Variants in WRNIP1 observed in about 807,000 individuals in gnomAD.
The protein encoded by WRNIP1 is WRN helicase interacting protein 1.
WRNIP1 carries 41 observed loss-of-function variants against 56.1 expected under a neutral mutation model. The observed-to-expected ratio is 0.73, with a 90% CI of 0.57 to 0.95. The LOEUF (loss-of-function observed/expected upper bound fraction) is 0.95. Among genes scored for constraint, WRNIP1 ranks in the 40% least tolerant of loss-of-function variants. The pLI is 0.00. For synonymous variants in WRNIP1, 547 were observed against 398.1 expected (o/e 1.37, Z -4.45); for missense variants, 1,170 against 939.4 (o/e 1.25, Z -3.21).
intron 3 of WRNIP1, among the ~76,000 whole-genome samples, chr6:2,771,826 A>C (rs78023972): frequency 0.014 from 2,105 of 152,298 alleles, 55 homozygotes; most frequent in African/African-American, 0.049. Flanking sequence ...GGTAAAGACA[A>C]ATTGAAAGAA....
intron 5 of WRNIP1, 92 bp downstream of exon 5, chr6:2,783,653 T>TTTTTTTA: frequency 2.5e-5 from 3 of 119,820 alleles, no homozygotes; most frequent in African/African-American, 9.0e-5. Context: ...TTTTTTTTTT[T>TTTTTTTA]GCAGGGCGGG....
intron 4 of WRNIP1, 21 bp from the exon 5 acceptor site, chr6:2,783,385 T>C (rs1246743622): frequency 5.1e-6 from 8 of 1,567,586 alleles, no homozygotes; most frequent in South Asian, 1.2e-5. Flanking sequence ...TCTGTGTGAG[T>C]GGTGCTCTTT....
At position 2,766,248 on chromosome 6, in the gene WRNIP1, A is replaced by G; in HGVS notation, c.626A>G (p.His209Arg). The stretch of plus-strand genomic sequence containing the variant: ...GGGGCCAGTGGCGGGGGCCGCCCGC[A>G]CCCCCGGGCGCTGGCTGCCGAGGAG... ...AFGASGGGRP[H>R]PRALAAEEIR... The change falls in exon 1 of 7, where the codon CAC (histidine) becomes CGC (arginine). Residue 209 changes from histidine to arginine, a missense_variant. Transcript: ENST00000380773. The G allele has an allele frequency of 6.7e-7, 1 of 1,489,082 alleles. No homozygotes were observed. The highest frequency in any genetic ancestry group is 1.3e-5 in the South Asian group (1 of 77,620). The allele number at this position is 1,489,082 out of a possible 1,614,324, so 92.2% of individuals were successfully genotyped here. A position where few individuals can be genotyped will look rare whatever the true frequency, so the allele number is the denominator to read the frequency against.
intron 6 of WRNIP1, 21 bp downstream of exon 6, chr6:2,784,424 C>T (rs1213646038): frequency 1.2e-6 from 2 of 1,610,960 alleles, no homozygotes; most frequent in South Asian, 2.2e-5. Flanking sequence ...CAGCTCATTT[C>T]TTGCAAATCA....
At position 2,785,131 on chromosome 6, in the gene WRNIP1, T is replaced by C. The variant is rs1202538902; in HGVS notation, c.1847T>C (p.Leu616Pro). 6.2e-7 allele frequency: 1 copy of C among 1,614,196 alleles called. No individual in the cohort carries two copies. Among genetic ancestry groups the C allele is most frequent in the South Asian group, 1.1e-5 (1 of 91,088 alleles). The change falls in exon 7 of 7, where the codon CTG becomes CCG. Residue 616 changes from leucine to proline, a missense_variant. Leu to Pro is a moderately conservative substitution (Grantham distance 98, BLOSUM62 -3). Coordinates refer to ENST00000380773, the MANE Select transcript of WRNIP1 (RefSeq NM_020135.3). Reference sequence around the variant, plus strand: ...CAGGGGCCACTGCCCCCCGTGCCCCTGCACCTGAGGAACGCGCCCACTAGG... The same window carrying C: ...CAGGGGCCACTGCCCCCCGTGCCCCCGCACCTGAGGAACGCGCCCACTAGG... ...NHQGPLPPVP[L>P]HLRNAPTRLM...
intron 1 of WRNIP1, 108 bp downstream of exon 1, chr6:2,766,552 C>G: frequency 7.1e-7 from 1 of 1,414,114 alleles, no homozygotes; most frequent in African/African-American, 1.4e-5. Context: ...CCTGCCTCTC[C>G]TGGATAAGGG....
In WRNIP1 at chr6:2,786,840, T is replaced by C. The variant is rs1244657615; in HGVS notation, c.*1558T>C. On this transcript the variant is annotated 3_prime_UTR_variant, in exon 7 of 7. Coordinates refer to ENST00000380773, the MANE Select transcript of WRNIP1 (RefSeq NM_020135.3). ...TTTAAAAGTCTGCACTGGGTACTTG[T>C]TGGGCCTTTCAATCTGGAAACTCCT... 1 of 152,192 alleles carries C rather than the reference T, an allele frequency of 6.6e-6. No homozygotes were observed. Among genetic ancestry groups the C allele is most frequent in the Non-Finnish European group, 1.5e-5 (1 of 68,038 alleles). The allele number at this position is 152,192 out of a possible 1,614,324, so 9.4% of individuals were successfully genotyped here.
chr6:2,765,479 G>T lies in WRNIP1; in HGVS notation c.-144G>T. Reference sequence around the variant, plus strand: ...GAGCTGCGGACGTGAGGCATGAGCGGCGCCCTCCTCCGGCCCGCGAGCGTC... The same window carrying T: ...GAGCTGCGGACGTGAGGCATGAGCGTCGCCCTCCTCCGGCCCGCGAGCGTC... On this transcript the variant is annotated 5_prime_UTR_variant, in exon 1 of 7. Transcript: ENST00000380773. 9.3e-7 allele frequency: 1 copy of T among 1,070,190 alleles called. No homozygotes were observed. The highest frequency in any genetic ancestry group is 1.2e-6 in the Non-Finnish European group (1 of 838,984). 66.3% of individuals were successfully genotyped at this position (1,070,190 alleles called of 1,614,324 possible). A position where few individuals can be genotyped will look rare whatever the true frequency, so the allele number is the denominator to read the frequency against.
rs983796979 is a variant in WRNIP1 at position 2,766,055 on chromosome 6, G to A, written c.433G>A (p.Ala145Thr). Residue 145 changes from alanine to threonine, a missense_variant, in exon 1 of 7, where the codon GCC becomes ACC. Ala to Thr is a moderately conservative substitution (Grantham distance 58). Coordinates refer to ENST00000380773, the MANE Select transcript of WRNIP1 (RefSeq NM_020135.3). ...GAAGGGGTCGGGGAAGAGGCCGGCG[G>A]CCGCCGCCGCGGCGGGGAGCGCGTC... The part of the protein sequence containing the change: ...GRKGSGKRPA[A>T]AAAAGSASPR... 1.6e-4 allele frequency: 205 copies of A among 1,294,476 alleles called. No individual in the cohort carries two copies. The highest frequency in any genetic ancestry group is 1.2e-4 in the Non-Finnish European group (120 of 1,025,760). The allele number at this position is 1,294,476 out of a possible 1,614,324, so 80.2% of individuals were successfully genotyped here.
intron 3 of WRNIP1, 65 bp downstream of exon 3, chr6:2,770,426 C>G: frequency 6.3e-7 from 1 of 1,593,140 alleles, no homozygotes; most frequent in South Asian, 1.1e-5. Flanking sequence ...GGCAGGGGGC[C>G]AGAAAGGGCC....
In WRNIP1 at chr6:2,770,308, A is replaced by C; in HGVS notation, c.1203A>C (p.Leu401=). 6.2e-7 allele frequency: 1 copy of C among 1,614,178 alleles called. No individual in the cohort carries two copies. The highest frequency in any genetic ancestry group is 1.6e-4 in the Middle Eastern group (1 of 6,062). Residue 401 remains leucine (L), a synonymous_variant, in exon 3 of 7, where the codon CTA becomes CTC. Transcript: ENST00000380773. ...RAINSLGIHV[L]DSSRPTDPLS... Reference sequence around the variant, plus strand: ...TCAACTCCCTGGGAATCCACGTCCTAGACTCTAGCCGTCCCACTGACCCTC... The same window carrying C: ...TCAACTCCCTGGGAATCCACGTCCTCGACTCTAGCCGTCCCACTGACCCTC...
chr6:2,765,642 A>G lies in WRNIP1; in HGVS notation c.20A>G (p.Glu7Gly). 6.5e-7 allele frequency: 1 copy of G among 1,542,848 alleles called. No homozygotes were observed. Among genetic ancestry groups the G allele is most frequent in the Non-Finnish European group, 8.7e-7 (1 of 1,153,176 alleles). Residue 7 changes from glutamate to glycine, a missense_variant, in exon 1 of 7, where the codon GAA becomes GGA. By Grantham distance (98) the Glu-to-Gly change is moderately conservative (BLOSUM62 -2). Transcript: ENST00000380773. The part of the protein sequence containing the change: MEVSGP[E>G]DDPFLSQLHQ... Reference sequence around the variant, plus strand: ...GCCGCCATGGAGGTGAGCGGGCCGGAAGACGACCCCTTCCTTTCGCAGCTG... The same window carrying G: ...GCCGCCATGGAGGTGAGCGGGCCGGGAGACGACCCCTTCCTTTCGCAGCTG...
At chr6:2,783,095 GTC>G (rs1765603657) in intron 4 of WRNIP1, among the ~76,000 whole-genome samples, 1 of 151,988 alleles carries the variant, frequency 6.6e-6, no homozygotes, top group African/African-American at 2.4e-5. Context: ...CTCCACTCTT[GTC>G]TCTGGCAAAT....
At chr6:2,783,340 G>A in intron 4 of WRNIP1, 66 bp from the exon 5 acceptor site, 1 of 1,463,560 alleles carries the variant, frequency 6.8e-7, no homozygotes, top group Non-Finnish European at 9.1e-7. Flanking sequence ...TCAGCTGGCG[G>A]AGGTGAAGAT....
chr6:2,784,449 C>T lies in WRNIP1; in HGVS notation c.1722+46C>T, dbSNP rs185810408. 306 of 1,577,114 alleles carry T rather than the reference C, an allele frequency of 1.9e-4. 4 individuals are homozygous for T. The South Asian group carries it at 2.3e-3, about 12-fold the overall frequency. On this transcript the variant is annotated intron_variant, in intron 6 of 6. Coordinates refer to ENST00000380773, the MANE Select transcript of WRNIP1 (RefSeq NM_020135.3). Reference sequence around the variant, plus strand: ...CTTGCAAATCACTTCTTTTCTCTCTCGTGCTCTGTCCCTTTGTAGATTTGA... The same window carrying T: ...CTTGCAAATCACTTCTTTTCTCTCTTGTGCTCTGTCCCTTTGTAGATTTGA...
chr6:2,779,280 AG>A lies in WRNIP1; in HGVS notation c.1276del (p.Asp426IlefsTer4). 6.2e-7 allele frequency: 1 copy of A among 1,614,190 alleles called. No homozygotes were observed. Among genetic ancestry groups the A allele is most frequent in the South Asian group, 1.1e-5 (1 of 91,070 alleles). The stretch of plus-strand genomic sequence containing the variant: ...TGTTTCAGGCCCGCCATGTTCATAG[AG>A]GATAAAGCAGTAGACACCCTGGCTT... The part of the protein sequence containing the change: ...NSSSEPAMFI[E>X]DKAVDTLAYL... On this transcript the variant is annotated frameshift_variant, in exon 4 of 7. Transcript: ENST00000380773. LOFTEE classifies it high-confidence loss of function.
chr6:2,784,347 A>ACACAAGC lies in WRNIP1; in HGVS notation c.1667_1673dup (p.Val559ThrfsTer16). Reference sequence around the variant, plus strand: ...AGGTCTGGCAGACCCGTCTGCGTTAACACAAGCGGTTGCTGCCTACCAAGG... The same window carrying ACACAAGC: ...AGGTCTGGCAGACCCGTCTGCGTTAACACAAGCCACAAGCGGTTGCTGCCTACCAAGG... On this transcript the variant is annotated frameshift_variant, in exon 6 of 7. Transcript: ENST00000380773. LOFTEE classifies it high-confidence loss of function. 6.2e-7 allele frequency: 1 copy of ACACAAGC among 1,614,104 alleles called. No homozygotes were observed. The highest frequency in any genetic ancestry group is 8.5e-7 in the Non-Finnish European group (1 of 1,179,946).
Position 2,785,111 on chromosome 6 carries a change from G to A in WRNIP1, c.1827G>A (p.Gly609=), listed in dbSNP as rs145497162. Residue 609 remains glycine, a synonymous_variant, in exon 7 of 7, where the codon GGG becomes GGA. Transcript: ENST00000380773. ...AAGCCTGCCTGAGGAACCACCAGGG[G>A]CCACTGCCCCCCGTGCCCCTGCACC... ...NVKACLRNHQ[G]PLPPVPLHLR... The A allele has an allele frequency of 6.2e-7, 1 of 1,614,202 alleles. No individual in the cohort carries two copies. The highest frequency in any genetic ancestry group is 1.7e-5 in the Admixed American group (1 of 60,022).
rs1349994465 is a variant in WRNIP1 at position 2,765,494 on chromosome 6, C to G, written c.-129C>G. On this transcript the variant is annotated 5_prime_UTR_variant, in exon 1 of 7. Transcript: ENST00000380773. ...GGCATGAGCGGCGCCCTCCTCCGGCCCGCGAGCGTCCTGCTGGTTCCCCGA... is the reference window on the plus strand; with the variant it reads ...GGCATGAGCGGCGCCCTCCTCCGGCGCGCGAGCGTCCTGCTGGTTCCCCGA... The G allele has an allele frequency of 8.4e-7, 1 of 1,192,146 alleles. No homozygotes were observed. Among genetic ancestry groups the G allele is most frequent in the Admixed American group, 4.4e-5 (1 of 22,622 alleles). 73.8% of individuals were successfully genotyped at this position (1,192,146 alleles called of 1,614,324 possible). A position where few individuals can be genotyped will look rare whatever the true frequency, so the allele number is the denominator to read the frequency against.
Sources: allele counts gnomAD v4.1 joint callset (sites outside exome capture counted in the v4.1 genomes callset), GRCh38; gene constraint gnomAD v4.1.1; transcripts MANE v1.5; gene names NCBI Gene and HGNC (gene_info 2026-07-23, HGNC 2026-07-21).